CENATAC: variants seen among roughly 807,000 people sequenced by gnomAD.
The protein encoded by CENATAC is centrosomal AT-AC splicing factor, also known as coiled-coil domain containing 84.
CENATAC carries 53 observed loss-of-function variants against 53.7 expected under a neutral mutation model. That is an observed-to-expected ratio of 0.99 (90% CI 0.79 to 1.24). CENATAC has a LOEUF of 1.24. Ranked by LOEUF, CENATAC falls within the 50% of genes most tolerant of loss-of-function variation. The pLI, the probability that CENATAC is intolerant of heterozygous loss-of-function variation, is 0.00. For missense variants in CENATAC, 474 were observed against 417.8 expected, an observed-to-expected ratio of 1.13 and a Z score of -1.17; for synonymous variants, 156 against 144.6, an observed-to-expected ratio of 1.08 and a Z score of -0.57.
chr11:119,012,508 G>T, intron 7 of CENATAC: 1 of 377,368 alleles, frequency 2.6e-6, no homozygotes. Flanking sequence ...ACTCAACACA[G>T]GACATTAAAT....
chr11:119,009,161 G>A (rs1257727831), intron 3 of CENATAC, among the ~76,000 whole-genome samples: 1 of 151,876 alleles, frequency 6.6e-6, no homozygotes, highest in Admixed American at 6.6e-5. Flanking sequence ...ACAGAGTCTT[G>A]CTCTGTCACT....
intron 3 of CENATAC, among the ~76,000 whole-genome samples, chr11:119,001,315 T>C (rs1482914373): frequency 1.3e-5 from 2 of 152,260 alleles, no homozygotes. Context: ...ATTGCATCTT[T>C]ACATTTATTT....
chr11:119,013,079 A>G (rs1022411686), intron 7 of CENATAC, 153 bp from the exon 8 acceptor site: 32 of 600,720 alleles, frequency 5.3e-5, no homozygotes, highest in Non-Finnish European at 8.7e-5. Context: ...CTGTGCTTTC[A>G]AAGTTTAACA....
intron 7 of CENATAC, chr11:119,013,018 A>C (rs1942947617): frequency 2.1e-6 from 1 of 482,002 alleles, no homozygotes; most frequent in Admixed American, 4.0e-5. Flanking sequence ...AGACATCTCC[A>C]CTGTTATGAC....
intron 5 of CENATAC, among the ~76,000 whole-genome samples, chr11:119,011,646 C>T (rs1565668429): frequency 3.3e-5 from 5 of 152,184 alleles, no homozygotes; most frequent in Admixed American, 3.3e-4. Context: ...GCTGGAATTA[C>T]AAGCATGAGC....
rs1179338618 is a variant in CENATAC at position 118,998,252 on chromosome 11, G to T, written c.55G>T (p.Gly19Trp). 3.1e-6 allele frequency: 5 copies of T among 1,589,156 alleles called. No homozygotes were observed. In the East Asian group the frequency reaches 1.1e-4, roughly 36 times the overall value. The change falls in exon 1 of 11, where the codon GGG (glycine) becomes TGG (tryptophan). Residue 19 changes from glycine to tryptophan, a missense_variant. Coordinates refer to ENST00000334418, the MANE Select transcript of CENATAC (RefSeq NM_198489.3). ...CCGCCAGACCTTCTTCTGTGGTCGC[G>T]GGCACGTTTACAGCCGCAAGCACCA... ...LCRQTFFCGR[G>W]HVYSRKHQRQ...
chr11:119,002,342 AT>A (rs368309024), intron 3 of CENATAC, among the ~76,000 whole-genome samples: 6,320 of 136,292 alleles, frequency 0.046, 152 homozygotes, highest in Middle Eastern at 0.099. Flanking sequence ...TAGAAAAAAG[AT>A]TTTTTTTTTT....
At position 118,998,531 on chromosome 11, in the gene CENATAC, G is replaced by A; in HGVS notation, c.222G>A (p.Arg74=). The change falls in exon 2 of 11, where the codon CGG becomes CGA. Residue 74 remains arginine, a synonymous_variant. Transcript: ENST00000334418. ...GCCTGTGCTGCGGCTGTGAGGTGCG[G>A]GAACACCTGAGCCATGGAAACCTGA... The part of the protein sequence containing the change: ...CWCLCCGCEV[R]EHLSHGNLTV... 2 of 1,604,576 alleles carry A rather than the reference G, an allele frequency of 1.2e-6. No homozygotes were observed. Among genetic ancestry groups the A allele is most frequent in the African/African-American group, 1.3e-5 (1 of 74,932 alleles).
chr11:119,014,958 TAAAAAAAA>T, intron 8 of CENATAC, 28 bp from the exon 9 acceptor site: 1 of 1,169,132 alleles, frequency 8.6e-7, no homozygotes, highest in Non-Finnish European at 1.2e-6. Flanking sequence ...CCTGAAGACT[TAAAAAAAA>T]AAAAAAAAGC....
intron 3 of CENATAC, among the ~76,000 whole-genome samples, chr11:119,008,744 T>C (rs564640996): frequency 6.6e-6 from 1 of 152,154 alleles, no homozygotes; most frequent in Non-Finnish European, 1.5e-5. Context: ...TTTCAGACTA[T>C]CACATGGAGA....
At chr11:119,014,350 A>C (rs1943033952) in intron 8 of CENATAC, 1 of 152,324 alleles carries the variant, frequency 6.6e-6, no homozygotes, top group Non-Finnish European at 1.5e-5. Flanking sequence ...TTGGGAGGCC[A>C]AGGCAGGCGG....
intron 3 of CENATAC, chr11:119,004,666 G>A (rs1018427237): frequency 6.5e-6 from 1 of 153,432 alleles, no homozygotes; most frequent in Non-Finnish European, 1.5e-5. Flanking sequence ...GATCACCTGA[G>A]CCTGAGGGAT....
At chr11:119,012,294 C>G (rs1313428958) in intron 7 of CENATAC, 40 bp downstream of exon 7, 1 of 1,604,972 alleles carries the variant, frequency 6.2e-7, no homozygotes, top group East Asian at 2.2e-5. Flanking sequence ...CCAATGGTCC[C>G]TCAGGTCTCA....
chr11:119,001,028 C>G (rs781816147), intron 3 of CENATAC, among the ~76,000 whole-genome samples: 16 of 152,164 alleles, frequency 1.1e-4, no homozygotes, highest in Non-Finnish European at 1.2e-4. Flanking sequence ...CATGACTTTT[C>G]TCTGCTTCTT....
chr11:119,001,603 A>G (rs1942300855), intron 3 of CENATAC: 1 of 454,496 alleles, frequency 2.2e-6, no homozygotes, highest in Admixed American at 2.4e-5. Context: ...AATTTTTTCC[A>G]TATTTCTAGG....
intron 3 of CENATAC, among the ~76,000 whole-genome samples, chr11:119,004,066 A>G (rs782104624): frequency 3.9e-5 from 6 of 152,180 alleles, no homozygotes; most frequent in Non-Finnish European, 7.3e-5. Context: ...CTTTAATGTT[A>G]CAATACTGCC....
intron 7 of CENATAC, chr11:119,012,490 T>TA (rs1942915604): frequency 4.5e-6 from 2 of 439,768 alleles, no homozygotes. Context: ...GTAGAACTCA[T>TA]AGTTCCAACT....
In CENATAC at chr11:119,011,235, C is replaced by T. The variant is rs782049396; in HGVS notation, c.465C>T (p.Ile155=). 1.2e-6 allele frequency: 2 copies of T among 1,614,008 alleles called. No homozygotes were observed. Residue 155 remains isoleucine, a synonymous_variant, in exon 5 of 11, where the codon ATC becomes ATT. Transcript: ENST00000334418. ...CTCTCCCACAGATGGCAGCTCAGAT[C>T]CGTGAGGTGGAGCAGAGCCGACAGG... is the stretch of plus-strand genomic sequence containing the variant. ...DKVIKEMAAQ[I]REVEQSRQEV...
At chr11:119,002,970 A>G in intron 3 of CENATAC, 6 of 458,682 alleles carry the variant, frequency 1.3e-5, no homozygotes, top group South Asian at 4.9e-5. Context: ...TTTAATGGTG[A>G]AAAGATATAC....
Sources: gnomAD v4.1 joint callset for allele counts (sites outside exome capture counted in the v4.1 genomes callset) on GRCh38, gnomAD v4.1.1 for gene constraint, MANE v1.5 for transcripts, NCBI Gene and HGNC (gene_info 2026-07-23, HGNC 2026-07-21) for gene names.